TRIO: variants seen among roughly 807,000 people sequenced by gnomAD.
TRIO encodes trio Rho guanine nucleotide exchange factor.
TRIO carries 58 observed loss-of-function variants against 351.9 expected under a neutral mutation model. The observed-to-expected ratio is 0.16, with a 90% CI of 0.13 to 0.21. The LOEUF is 0.21. Among genes scored for constraint, TRIO ranks in the 10% least tolerant of loss-of-function variants. The pLI, the probability that TRIO is intolerant of heterozygous loss-of-function variation, is 1.00. For missense variants in TRIO, 3,201 were observed against 4,027.8 expected, an observed-to-expected ratio of 0.79 and a Z score of 5.56; for synonymous variants, 1,758 against 1,595.7, an observed-to-expected ratio of 1.10 and a Z score of -2.42.
chr5:14,340,397 GAAAAAA>G (rs33944910), intron 11 of TRIO, among the ~76,000 whole-genome samples: 54 of 131,512 alleles, frequency 4.1e-4, no homozygotes, highest in Admixed American at 2.5e-3. Flanking sequence ...ACTCCGTCTG[GAAAAAA>G]AAAAAAAAAA....
At chr5:14,487,326 C>A (rs1477940535) in intron 47 of TRIO, 138 bp from the exon 48 acceptor site, 1 of 1,007,312 alleles carries the variant, frequency 9.9e-7, no homozygotes, top group African/African-American at 1.7e-5. Context: ...TCTAGCTCTC[C>A]TGATGGGTGG....
chr5:14,265,972 G>GT (rs1372613144), intron 1 of TRIO, among the ~76,000 whole-genome samples: 1 of 152,172 alleles, frequency 6.6e-6, no homozygotes. Context: ...TTGGGTAGGG[G>GT]TTCAGGGTCA....
At chr5:14,214,042 T>C (rs2152198252) in intron 1 of TRIO, among the ~76,000 whole-genome samples, 1 of 152,210 alleles carries the variant, frequency 6.6e-6, no homozygotes, top group East Asian at 1.9e-4. Context: ...AGTGATCCCC[T>C]TGAGAAAGAG....
chr5:14,299,872 T>C (rs1417535789), intron 7 of TRIO, among the ~76,000 whole-genome samples: 2 of 152,260 alleles, frequency 1.3e-5, no homozygotes, highest in Non-Finnish European at 2.9e-5. Flanking sequence ...CTGTAAGGAT[T>C]ACAGCTCTTA....
chr5:14,231,437 A>G (rs1793420892), intron 1 of TRIO, among the ~76,000 whole-genome samples: 1 of 152,248 alleles, frequency 6.6e-6, no homozygotes, highest in African/African-American at 2.4e-5. Context: ...TTCCCAAACC[A>G]GAGGGAATAT....
chr5:14,284,669 G>C (rs1430750902), intron 3 of TRIO, among the ~76,000 whole-genome samples: 1 of 152,170 alleles, frequency 6.6e-6, no homozygotes, highest in East Asian at 1.9e-4. Flanking sequence ...TTTGTAGTTC[G>C]TGTGCATACT....
At position 14,496,400 on chromosome 5, in the gene TRIO, G is replaced by A. The variant is rs73063528; in HGVS notation, c.7881-479G>A. ...CTTCAGACCCCGGAGAGCACGTGGTGCAGGCTGAGCCTGAAGACAGTCTGC... is the reference window on the plus strand; with the variant it reads ...CTTCAGACCCCGGAGAGCACGTGGTACAGGCTGAGCCTGAAGACAGTCTGC... On this transcript the variant is annotated intron_variant, in intron 49 of 56. Transcript: ENST00000344204. Among the ~76,000 whole-genome samples the A allele has an allele frequency of 3.9e-3, 601 of 152,322 alleles. 6 individuals are homozygous for A. Among genetic ancestry groups the A allele is most frequent in the African/African-American group, 0.014 (566 of 41,590 alleles).
chr5:14,205,782 G>A (rs1335096166), intron 1 of TRIO, among the ~76,000 whole-genome samples: 2 of 152,200 alleles, frequency 1.3e-5, no homozygotes, highest in South Asian at 2.1e-4. Flanking sequence ...ACCCGGGCTG[G>A]AGTGCAGTGG....
At chr5:14,400,659 C>G (rs563009881) in intron 30 of TRIO, among the ~76,000 whole-genome samples, 1 of 152,126 alleles carries the variant, frequency 6.6e-6, no homozygotes, top group Admixed American at 6.6e-5. Flanking sequence ...TGCAAATAGT[C>G]GAATCTTGAT....
At chr5:14,217,252 G>A (rs1016951409) in intron 1 of TRIO, among the ~76,000 whole-genome samples, 14 of 152,130 alleles carry the variant, frequency 9.2e-5, no homozygotes, top group Non-Finnish European at 1.8e-4. Flanking sequence ...GTCATTATAC[G>A]CAGGCCATTC....
intron 1 of TRIO, among the ~76,000 whole-genome samples, chr5:14,208,577 G>A (rs914425885): frequency 1.3e-5 from 2 of 152,202 alleles, no homozygotes; most frequent in Non-Finnish European, 2.9e-5. Flanking sequence ...CCAAACTAAA[G>A]CCTGAAGATG....
intron 47 of TRIO, among the ~76,000 whole-genome samples, chr5:14,487,027 C>A (rs1186139835): frequency 6.6e-6 from 1 of 152,172 alleles, no homozygotes; most frequent in African/African-American, 2.4e-5. Context: ...GCTCCAGGGG[C>A]CTCTAGTAGC....
intron 1 of TRIO, among the ~76,000 whole-genome samples, chr5:14,203,542 T>C (rs192700932): frequency 3.3e-5 from 5 of 152,376 alleles, no homozygotes; most frequent in East Asian, 1.9e-4. Flanking sequence ...AGAGATCTTA[T>C]GTTCACCTGT....
At chr5:14,448,673 C>T (rs1328199091) in intron 34 of TRIO, among the ~76,000 whole-genome samples, 23 of 152,170 alleles carry the variant, frequency 1.5e-4, no homozygotes, top group Admixed American at 1.4e-3. Flanking sequence ...GCGTTAGGAG[C>T]GGGGCAGAAA....
chr5:14,175,644 A>G (rs998869400), intron 1 of TRIO, among the ~76,000 whole-genome samples: 1 of 152,348 alleles, frequency 6.6e-6, no homozygotes, highest in East Asian at 1.9e-4. Context: ...GCTTACTTAT[A>G]TCTACCTGGG....
intron 21 of TRIO, among the ~76,000 whole-genome samples, chr5:14,386,905 C>T (rs1746593374): frequency 6.6e-6 from 1 of 152,202 alleles, no homozygotes; most frequent in African/African-American, 2.4e-5. Context: ...AAGCAATCAA[C>T]ACGACACAGA....
At chr5:14,219,990 G>C (rs1034651258) in intron 1 of TRIO, among the ~76,000 whole-genome samples, 2 of 62,422 alleles carry the variant, frequency 3.2e-5, no homozygotes, top group East Asian at 5.0e-4. Context: ...TTTTTTTTTT[G>C]CACTTTGTTC....
In TRIO at chr5:14,498,093, C is replaced by T. The variant is rs1028273978; in HGVS notation, c.8052C>T (p.Pro2684=). The part of the protein sequence containing the change: ...LLNPNYIYDV[P]PEFVIPLSEV... ...ACCGACTCCTTTCCCATGCAGTTCCCCCAGAATTCGTCATTCCATTGAGTG... is the reference window on the plus strand; with the variant it reads ...ACCGACTCCTTTCCCATGCAGTTCCTCCAGAATTCGTCATTCCATTGAGTG... The change falls in exon 52 of 57, where the codon CCC becomes CCT. Residue 2684 remains proline (P), a synonymous_variant. Transcript: ENST00000344204. 2 of 1,614,010 alleles carry T rather than the reference C, an allele frequency of 1.2e-6. No individual in the cohort carries two copies. The highest frequency in any genetic ancestry group is 1.1e-5 in the South Asian group (1 of 91,080).
intron 38 of TRIO, among the ~76,000 whole-genome samples, 182 bp from the exon 39 acceptor site, chr5:14,472,410 T>G (rs1470201196): frequency 6.6e-6 from 1 of 152,240 alleles, no homozygotes; most frequent in Non-Finnish European, 1.5e-5. Context: ...TCCAGAGCTC[T>G]CGTGGGTCAC....
Sources: allele counts gnomAD v4.1 joint callset (sites outside exome capture counted in the v4.1 genomes callset), GRCh38; gene constraint gnomAD v4.1.1; transcripts MANE v1.5; gene names NCBI Gene and HGNC (gene_info 2026-07-23, HGNC 2026-07-21).